The following DOCK2 variants were observed in gnomAD, a reference collection of about 807,000 sequenced individuals.
DOCK2 encodes the protein dedicator of cytokinesis 2.
DOCK2 carries 87 observed loss-of-function variants against 248.9 expected under a neutral mutation model. The ratio of observed to expected loss-of-function variants is 0.35; its 90% CI spans 0.29 to 0.42. The LOEUF (loss-of-function observed/expected upper bound fraction) is 0.42. Among genes scored for constraint, DOCK2 ranks in the 10% least tolerant of loss-of-function variants. The pLI, the probability that DOCK2 is intolerant of heterozygous loss-of-function variation, is 1.00. For missense variants in DOCK2, 1,747 were observed against 2,300.2 expected (o/e 0.76, Z 4.92); for synonymous variants, 805 against 821.6 (o/e 0.98, Z 0.35).
Position 170,077,813 on chromosome 5 carries a change from C to A in DOCK2, c.4970C>A (p.Thr1657Asn), listed in dbSNP as rs752968198. 6.2e-7 allele frequency: 1 copy of A among 1,613,380 alleles called. No individual in the cohort carries two copies. The highest frequency in any genetic ancestry group is 2.2e-5 in the East Asian group (1 of 44,862). Residue 1657 changes from threonine (T) to asparagine (N), a missense_variant, in exon 48 of 52, where the codon ACC (threonine) becomes AAC (asparagine). Physicochemically the swap from Thr to Asn is moderately conservative, Grantham distance 65 (BLOSUM62 0). Coordinates refer to ENST00000520908, the MANE Select transcript of DOCK2 (RefSeq NM_004946.3). ...SLASMNSDCS[T>N]PSKPTSESFD... ...GCTTCCATGAATTCTGACTGCAGCA[C>A]CCCCAGCAAGCCTACCTCAGAGAGG... is the stretch of plus-strand genomic sequence containing the variant.
chr5:169,812,228 G>A (rs939073390), intron 26 of DOCK2, among the ~76,000 whole-genome samples: 1 of 152,168 alleles, frequency 6.6e-6, no homozygotes, highest in African/African-American at 2.4e-5. Flanking sequence ...ATCAGCGACG[G>A]CATTAAATTC....
At chr5:169,804,483 TGTGCGC>T (rs1196804503) in intron 26 of DOCK2, among the ~76,000 whole-genome samples, 1 of 64,226 alleles carries the variant, frequency 1.6e-5, no homozygotes, top group African/African-American at 3.8e-5. Flanking sequence ...TGTGTGTGTG[TGTGCGC>T]GCGCGCGTGC....
chr5:169,920,302 T>A (rs1217345213), intron 27 of DOCK2, among the ~76,000 whole-genome samples: 1 of 152,206 alleles, frequency 6.6e-6, no homozygotes, highest in Non-Finnish European at 1.5e-5. Context: ...TATAATATTA[T>A]GTAAGATGTA....
chr5:170,027,972 G>A lies in DOCK2; in HGVS notation c.3467+24G>A, dbSNP rs371195671. On this transcript the variant is annotated intron_variant, in intron 34 of 51. Coordinates refer to ENST00000520908, the MANE Select transcript of DOCK2 (RefSeq NM_004946.3). ...ATGTAAGTTCAGTGCCCTGTGTGTAGGAACAGCCTGTGAAGGTCAGGTGAG... is the reference window on the plus strand; with the variant it reads ...ATGTAAGTTCAGTGCCCTGTGTGTAAGAACAGCCTGTGAAGGTCAGGTGAG... 841 of 1,598,514 alleles carry A rather than the reference G, an allele frequency of 5.3e-4. 10 individuals are homozygous for A. In the South Asian group the frequency reaches 8.4e-3, roughly 16 times the overall value.
intron 27 of DOCK2, among the ~76,000 whole-genome samples, chr5:169,842,479 T>C (rs889915917): frequency 1.3e-5 from 2 of 152,174 alleles, no homozygotes; most frequent in African/African-American, 4.8e-5. Context: ...GGCCTCAGCT[T>C]CCCAAGTAGC....
chr5:170,016,730 C>A (rs140115238), intron 32 of DOCK2, among the ~76,000 whole-genome samples: 123 of 152,342 alleles, frequency 8.1e-4, no homozygotes, highest in African/African-American at 2.7e-3. Flanking sequence ...TAAGCAATTT[C>A]TCCATTCCGT....
At chr5:169,700,826 G>A (rs577912301) in intron 13 of DOCK2, among the ~76,000 whole-genome samples, 4 of 151,914 alleles carry the variant, frequency 2.6e-5, no homozygotes, top group African/African-American at 9.7e-5. Flanking sequence ...AAACTAAACT[G>A]TTATCTGATC....
At chr5:169,966,991 CA>C (rs779592619) in intron 27 of DOCK2, among the ~76,000 whole-genome samples, 2 of 152,202 alleles carry the variant, frequency 1.3e-5, no homozygotes, top group Non-Finnish European at 2.9e-5. Flanking sequence ...CTGATTCTTC[CA>C]TCTGAGACCA....
At chr5:169,954,014 A>G (rs1468856227) in intron 27 of DOCK2, among the ~76,000 whole-genome samples, 1 of 152,232 alleles carries the variant, frequency 6.6e-6, no homozygotes, top group African/African-American at 2.4e-5. Context: ...ATGAGTGCAT[A>G]TTCTATACTC....
intron 27 of DOCK2, among the ~76,000 whole-genome samples, chr5:169,862,787 C>T (rs760417577): frequency 2.0e-5 from 3 of 152,188 alleles, no homozygotes; most frequent in Non-Finnish European, 2.9e-5. Flanking sequence ...GTGAAACCAT[C>T]GGAGTGGTTT....
intron 27 of DOCK2, among the ~76,000 whole-genome samples, chr5:169,910,599 AC>A (rs1483300859): frequency 3.3e-5 from 5 of 152,112 alleles, no homozygotes; most frequent in African/African-American, 1.2e-4. Context: ...AGTGTTTGGC[AC>A]TGAGTGAAAA....
At position 169,854,944 on chromosome 5, in the gene DOCK2, C is replaced by T. The variant is rs181467293; in HGVS notation, c.2799+14092C>T. 4.7e-3 allele frequency among the ~76,000 whole-genome samples: 715 copies of T among 152,234 alleles called. 9 individuals carry two copies. Among genetic ancestry groups the T allele is most frequent in the Middle Eastern group, 6.8e-3 (2 of 294 alleles). ...GGAGTGACTAATTCCATGGTAGCAA[C>T]GGGGGATGACCAGAAAAAGTTATAG... On this transcript the variant is annotated intron_variant, in intron 27 of 51. Transcript: ENST00000520908.
intron 27 of DOCK2, among the ~76,000 whole-genome samples, chr5:169,846,417 A>G (rs1191628748): frequency 6.6e-6 from 1 of 152,184 alleles, no homozygotes; most frequent in Non-Finnish European, 1.5e-5. Flanking sequence ...GTGACAAATG[A>G]GCAAAAGGGA....
chr5:169,896,829 A>T (rs1773638898), intron 27 of DOCK2, among the ~76,000 whole-genome samples: 1 of 152,250 alleles, frequency 6.6e-6, no homozygotes, highest in Non-Finnish European at 1.5e-5. Flanking sequence ...AAATGTTTAT[A>T]ATAAAATGCA....
chr5:169,873,103 G>A (rs1158547487), intron 27 of DOCK2, among the ~76,000 whole-genome samples: 1 of 152,116 alleles, frequency 6.6e-6, no homozygotes, highest in Non-Finnish European at 1.5e-5. Context: ...TTATATTTAT[G>A]GCATGTGTCA....
chr5:169,790,345 T>C lies in DOCK2; in HGVS notation c.2555-12713T>C, dbSNP rs1381183226. Among the ~76,000 whole-genome samples, 4 of 152,182 alleles carry C rather than the reference T, an allele frequency of 2.6e-5. No individual in the cohort carries two copies. The South Asian group carries it at 8.3e-4, about 32-fold the overall frequency. On this transcript the variant is annotated intron_variant, in intron 25 of 51. Coordinates refer to ENST00000520908, the MANE Select transcript of DOCK2 (RefSeq NM_004946.3). ...TTGTTCATGTGTGGCTTGAGGATTG[T>C]CAGTACGTGGTATTATTATTCTAAG...
chr5:169,850,969 T>G (rs1770592707), intron 27 of DOCK2, among the ~76,000 whole-genome samples: 1 of 152,240 alleles, frequency 6.6e-6, no homozygotes, highest in East Asian at 1.9e-4. Context: ...TCTTTCCGGT[T>G]GTTCGTTGTC....
intron 27 of DOCK2, among the ~76,000 whole-genome samples, chr5:169,946,858 G>C (rs1776471511): frequency 6.6e-6 from 1 of 152,206 alleles, no homozygotes; most frequent in African/African-American, 2.4e-5. Flanking sequence ...GGCTGGACCT[G>C]AATATCGAGA....
chr5:170,030,330 G>A (rs761379742), intron 34 of DOCK2, among the ~76,000 whole-genome samples: 5 of 152,134 alleles, frequency 3.3e-5, no homozygotes, highest in Non-Finnish European at 5.9e-5. Context: ...GCCCGACACA[G>A]GGAGCCAGGT....
Sources: gnomAD v4.1 joint callset for allele counts (sites outside exome capture counted in the v4.1 genomes callset) on GRCh38, gnomAD v4.1.1 for gene constraint, MANE v1.5 for transcripts, NCBI Gene and HGNC (gene_info 2026-07-23, HGNC 2026-07-21) for gene names.